Variants in GRM8 observed in about 807,000 individuals in gnomAD.
The protein encoded by GRM8 is glutamate metabotropic receptor 8.
Under a neutral mutation model 87.2 loss-of-function variants are expected in GRM8, and 47 were observed. The ratio of observed to expected loss-of-function variants is 0.54; its 90% CI spans 0.43 to 0.69. The LOEUF (loss-of-function observed/expected upper bound fraction) is 0.69, where lower values mean the gene tolerates loss of function less well. Ranked by LOEUF, GRM8 falls within the 30% of genes least tolerant of loss-of-function variation. The probability of loss-of-function intolerance (pLI) is 0.00; values close to 1 mark genes in which losing one functional copy is unlikely to be tolerated. For missense variants in GRM8, 1,019 were observed against 1,139.2 expected, an observed-to-expected ratio of 0.89 and a Z score of 1.52; for synonymous variants, 396 against 404.5, an observed-to-expected ratio of 0.98 and a Z score of 0.25.
intron 7 of GRM8, among the ~76,000 whole-genome samples, chr7:126,768,927 C>CA (rs775753477): frequency 0.041 from 4,022 of 98,786 alleles, 154 homozygotes; most frequent in African/African-American, 0.14. Context: ...AGGAAAAATG[C>CA]AAAAAAAAAA....
At chr7:127,236,850 TA>T (rs1188649177) in intron 2 of GRM8, among the ~76,000 whole-genome samples, 1 of 152,172 alleles carries the variant, frequency 6.6e-6, no homozygotes, top group Non-Finnish European at 1.5e-5. Context: ...AGGCCCATGC[TA>T]GGTGCTAGGA....
chr7:126,982,161 G>T (rs2131864994), intron 3 of GRM8, among the ~76,000 whole-genome samples: 1 of 152,318 alleles, frequency 6.6e-6, no homozygotes, highest in Non-Finnish European at 1.5e-5. Flanking sequence ...CAGTAAAGGA[G>T]AAAGATGTAG....
intron 9 of GRM8, among the ~76,000 whole-genome samples, chr7:126,506,177 T>C (rs563975589): frequency 2.0e-5 from 3 of 152,186 alleles, no homozygotes; most frequent in Non-Finnish European, 2.9e-5. Context: ...CTTTTCTTCT[T>C]TTTTAAGGCT....
chr7:127,110,516 A>C (rs11563718), intron 2 of GRM8, among the ~76,000 whole-genome samples: 12,680 of 152,238 alleles, frequency 0.083, 1,748 homozygotes, highest in African/African-American at 0.29. Flanking sequence ...CTTCATAAAA[A>C]TATCATATGT....
chr7:126,523,966 C>G (rs565462943), intron 9 of GRM8, among the ~76,000 whole-genome samples: 2 of 152,000 alleles, frequency 1.3e-5, no homozygotes, highest in African/African-American at 4.8e-5. Context: ...CTTCTAACAA[C>G]GTAATATCAA....
intron 3 of GRM8, among the ~76,000 whole-genome samples, chr7:127,050,760 C>T (rs13240272): frequency 0.076 from 11,544 of 152,224 alleles, 654 homozygotes; most frequent in Non-Finnish European, 0.11. Context: ...TAACATTTCC[C>T]TTTTTACTTT....
Position 127,242,802 on chromosome 7 carries a change from T to C in GRM8, c.403A>G (p.Asn135Asp). 6.2e-7 allele frequency: 1 copy of C among 1,614,140 alleles called. No individual in the cohort carries two copies. The highest frequency in any genetic ancestry group is 8.5e-7 in the Non-Finnish European group (1 of 1,180,004). The change falls in exon 2 of 11, where the codon AAT (asparagine) becomes GAT (aspartate). Residue 135 changes from asparagine (N) to aspartate (D), a missense_variant. By Grantham distance (23) the Asn-to-Asp change is conservative (BLOSUM62 1). Coordinates refer to ENST00000339582, the MANE Select transcript of GRM8 (RefSeq NM_000845.3). ...EKDASDVKCA[N>D]GDPPIFTKPD... is the part of the protein sequence containing the mutation. ...TTGGTGAAAATGGGTGGATCTCCAT[T>C]AGCACACTTCACATCCGAAGCATCT...
intron 7 of GRM8, among the ~76,000 whole-genome samples, chr7:126,667,383 T>C (rs1805884489): frequency 6.6e-6 from 1 of 152,242 alleles, no homozygotes; most frequent in African/African-American, 2.4e-5. Flanking sequence ...TCTTAAAATA[T>C]TTTGAAGCTT....
intron 7 of GRM8, among the ~76,000 whole-genome samples, chr7:126,686,254 T>A (rs971935116): frequency 3.3e-5 from 5 of 152,114 alleles, no homozygotes; most frequent in Admixed American, 2.0e-4. Context: ...CTCTTTGTCT[T>A]GCTCACGCTC....
At chr7:127,233,842 A>T (rs1464180745) in intron 2 of GRM8, among the ~76,000 whole-genome samples, 1 of 152,192 alleles carries the variant, frequency 6.6e-6, no homozygotes, top group Non-Finnish European at 1.5e-5. Flanking sequence ...AGAAACAGAT[A>T]ACAGTGGCTG....
intron 2 of GRM8, among the ~76,000 whole-genome samples, chr7:127,212,543 A>G (rs1035542436): frequency 2.0e-5 from 3 of 147,096 alleles, no homozygotes; most frequent in South Asian, 4.3e-4. Context: ...TCAGCCTCCC[A>G]AGTAGCTGGG....
At chr7:126,601,200 C>A (rs189006335) in intron 8 of GRM8, among the ~76,000 whole-genome samples, 4 of 151,148 alleles carry the variant, frequency 2.6e-5, no homozygotes, top group Admixed American at 6.6e-5. Flanking sequence ...TTTGTACTTG[C>A]GATAGTTTAC....
Position 127,049,900 on chromosome 7 carries a change from T to C in GRM8, c.727+56596A>G, listed in dbSNP as rs1819302460. ...CTTGATAGAGGAGAATCCAATGCCT[T>C]AGGAGAAAGAAGAAGTGGGGGAGTC... On this transcript the variant is annotated intron_variant, in intron 3 of 10. Transcript: ENST00000339582. Among the ~76,000 whole-genome samples the C allele has an allele frequency of 2.6e-5, 4 of 151,928 alleles. 1 individual carries two copies. Among genetic ancestry groups the C allele is most frequent in the Admixed American group, 1.3e-4 (2 of 15,238 alleles).
chr7:126,652,239 G>A (rs1012876224), intron 7 of GRM8, among the ~76,000 whole-genome samples: 2 of 152,182 alleles, frequency 1.3e-5, no homozygotes, highest in African/African-American at 4.8e-5. Flanking sequence ...GGGGATTGGT[G>A]CATTTCTGGT....
At chr7:126,638,825 T>C (rs1802097919) in intron 7 of GRM8, among the ~76,000 whole-genome samples, 1 of 152,240 alleles carries the variant, frequency 6.6e-6, no homozygotes, top group Non-Finnish European at 1.5e-5. Flanking sequence ...GAATATACTA[T>C]ACCAGGTTCT....
At chr7:126,440,294 C>A (rs768686816) in intron 10 of GRM8, among the ~76,000 whole-genome samples, 2 of 151,326 alleles carry the variant, frequency 1.3e-5, no homozygotes, top group Non-Finnish European at 2.9e-5. Context: ...TGCCTGTAAT[C>A]CCAATTACTC....
At chr7:126,675,939 G>A (rs1806911736) in intron 7 of GRM8, among the ~76,000 whole-genome samples, 1 of 152,110 alleles carries the variant, frequency 6.6e-6, no homozygotes, top group African/African-American at 2.4e-5. Context: ...AGGAAAAGAG[G>A]AACTCAAACT....
At chr7:126,543,968 A>C (rs1816837848) in intron 8 of GRM8, among the ~76,000 whole-genome samples, 1 of 152,188 alleles carries the variant, frequency 6.6e-6, no homozygotes, top group Non-Finnish European at 1.5e-5. Flanking sequence ...TAACCATAGG[A>C]TTTGAAAATT....
chr7:126,464,465 A>G (rs898895460), intron 9 of GRM8, among the ~76,000 whole-genome samples: 2 of 151,658 alleles, frequency 1.3e-5, no homozygotes, highest in Admixed American at 6.6e-5. Flanking sequence ...GCCTATTTAC[A>G]TTCAATGTTA....
Sources: gnomAD v4.1 joint callset for allele counts (sites outside exome capture counted in the v4.1 genomes callset) on GRCh38, gnomAD v4.1.1 for gene constraint, MANE v1.5 for transcripts, NCBI Gene and HGNC (gene_info 2026-07-23, HGNC 2026-07-21) for gene names.